MARCHF1: variants seen among roughly 807,000 people sequenced by gnomAD.
The protein encoded by MARCHF1 is E3 ubiquitin-protein ligase MARCHF1.
A neutral mutation model predicts 54.2 loss-of-function variants in MARCHF1; 40 were observed. That is an observed-to-expected ratio of 0.74 (90% CI 0.57 to 0.96). The LOEUF (loss-of-function observed/expected upper bound fraction) is 0.96, where lower values mean the gene tolerates loss of function less well. Among genes scored for constraint, MARCHF1 ranks in the 40% least tolerant of loss-of-function variants. The pLI, the probability that MARCHF1 is intolerant of heterozygous loss-of-function variation, is 0.00. For missense variants in MARCHF1, 586 were observed against 656.5 expected (o/e 0.89, Z 1.17); for synonymous variants, 236 against 236.3 (o/e 1.00, Z 0.01).
chr4:163,660,644 A>C (rs376122989), intron 5 of MARCHF1, among the ~76,000 whole-genome samples: 9 of 151,888 alleles, frequency 5.9e-5, no homozygotes, highest in Non-Finnish European at 1.0e-4. Flanking sequence ...AAACTGGTTT[A>C]TGATCACTTG....
At chr4:163,852,012 G>A (rs1414544078) in intron 4 of MARCHF1, among the ~76,000 whole-genome samples, 1 of 152,102 alleles carries the variant, frequency 6.6e-6, no homozygotes, top group Non-Finnish European at 1.5e-5. Flanking sequence ...GTGTATAGAG[G>A]TTATCCCTGT....
intron 4 of MARCHF1, among the ~76,000 whole-genome samples, chr4:163,761,058 T>C (rs1746813265): frequency 6.6e-6 from 1 of 152,208 alleles, no homozygotes; most frequent in South Asian, 2.1e-4. Context: ...AATATGACTC[T>C]TATAATAGTG....
At chr4:163,864,198 A>G (rs1177761898) in intron 3 of MARCHF1, among the ~76,000 whole-genome samples, 1 of 152,072 alleles carries the variant, frequency 6.6e-6, no homozygotes, top group Non-Finnish European at 1.5e-5. Context: ...TTTATAGTAG[A>G]GAAACCTGAA....
In MARCHF1 at chr4:164,114,963, A is replaced by C. The variant is rs1755910835; in HGVS notation, c.-322-3301T>G. 2.6e-5 allele frequency among the ~76,000 whole-genome samples: 4 copies of C among 152,170 alleles called. No individual in the cohort carries two copies. The South Asian group carries it at 6.2e-4, about 24-fold the overall frequency. On this transcript the variant is annotated intron_variant, in intron 1 of 9. Transcript: ENST00000514618. ...TAGCAGACAAAACAAGTTCTGAAGAATCATCAAATGAAATGTGTTCCCTTA... is the reference window on the plus strand; with the variant it reads ...TAGCAGACAAAACAAGTTCTGAAGACTCATCAAATGAAATGTGTTCCCTTA...
chr4:164,206,308 T>C (rs569053273), intron 1 of MARCHF1, among the ~76,000 whole-genome samples: 25 of 151,912 alleles, frequency 1.6e-4, no homozygotes, highest in Non-Finnish European at 3.1e-4. Flanking sequence ...ACGATAGCAG[T>C]TGCCCGTAAT....
intron 4 of MARCHF1, among the ~76,000 whole-genome samples, chr4:163,759,515 G>C (rs2110818058): frequency 6.6e-6 from 1 of 152,204 alleles, no homozygotes; most frequent in African/African-American, 2.4e-5. Context: ...TCTTGATAAT[G>C]ATCACAAGAA....
intron 4 of MARCHF1, among the ~76,000 whole-genome samples, chr4:163,841,375 G>T (rs1457828894): frequency 6.6e-6 from 1 of 151,796 alleles, no homozygotes; most frequent in Non-Finnish European, 1.5e-5. Flanking sequence ...AGGGGCTGGG[G>T]TATATGAAAA....
Position 163,735,184 on chromosome 4 carries a change from A to C in MARCHF1, c.112-34321T>G, listed in dbSNP as rs879672740. Among the ~76,000 whole-genome samples the C allele has an allele frequency of 1.6e-3, 249 of 152,168 alleles. 3 individuals carry two copies. Among genetic ancestry groups the C allele is most frequent in the Non-Finnish European group, 1.4e-3 (96 of 68,014 alleles). ...AAGCTTCCCTGGCCACACTGTTGAC[A>C]GTAGTCCTCACACACTTAGGACATG... On this transcript the variant is annotated intron_variant, in intron 4 of 9. Coordinates refer to ENST00000514618, the MANE Select transcript of MARCHF1 (RefSeq NM_001394959.1).
intron 1 of MARCHF1, among the ~76,000 whole-genome samples, chr4:164,237,985 C>T (rs1732614187): frequency 6.6e-6 from 1 of 151,982 alleles, no homozygotes; most frequent in South Asian, 2.1e-4. Flanking sequence ...TTTATCTATA[C>T]ATGGGAAGCT....
At chr4:163,874,327 T>C (rs1233369988) in intron 3 of MARCHF1, among the ~76,000 whole-genome samples, 1 of 152,146 alleles carries the variant, frequency 6.6e-6, no homozygotes, top group Non-Finnish European at 1.5e-5. Context: ...AACTGGAATA[T>C]ATTACCTGTA....
chr4:163,796,911 T>A (rs887534801), intron 4 of MARCHF1, among the ~76,000 whole-genome samples: 1 of 152,160 alleles, frequency 6.6e-6, no homozygotes, highest in African/African-American at 2.4e-5. Context: ...GCCAGCTTTG[T>A]CTAATATGTT....
At chr4:163,678,935 T>A (rs1238783206) in intron 5 of MARCHF1, among the ~76,000 whole-genome samples, 1 of 152,186 alleles carries the variant, frequency 6.6e-6, no homozygotes, top group Non-Finnish European at 1.5e-5. Context: ...TTAAGCAACA[T>A]TTCATTTCCA....
At chr4:163,581,081 C>T (rs1452176218) in intron 8 of MARCHF1, among the ~76,000 whole-genome samples, 3 of 150,556 alleles carry the variant, frequency 2.0e-5, no homozygotes, top group Non-Finnish European at 1.5e-5. Flanking sequence ...GGATTACAGG[C>T]GTGAGCCACC....
At chr4:164,351,485 C>G (rs1462936931) in intron 1 of MARCHF1, among the ~76,000 whole-genome samples, 7 of 151,338 alleles carry the variant, frequency 4.6e-5, no homozygotes, top group Admixed American at 3.9e-4. Context: ...CTGGGAGGCA[C>G]CCCCCAGCAG....
intron 4 of MARCHF1, among the ~76,000 whole-genome samples, chr4:163,713,235 A>T (rs188281487): frequency 2.6e-5 from 4 of 152,318 alleles, no homozygotes; most frequent in Admixed American, 2.6e-4. Flanking sequence ...CTATAGAAAC[A>T]TCAAATTTAA....
chr4:163,682,224 C>T (rs1579190690), intron 5 of MARCHF1, among the ~76,000 whole-genome samples: 1 of 152,126 alleles, frequency 6.6e-6, no homozygotes, highest in Admixed American at 6.5e-5. Flanking sequence ...TGGTGGAAGA[C>T]ATTTCTAAGC....
chr4:163,896,350 A>G (rs909316004), intron 3 of MARCHF1, among the ~76,000 whole-genome samples: 6 of 152,126 alleles, frequency 3.9e-5, no homozygotes, highest in Non-Finnish European at 5.9e-5. Flanking sequence ...TTCCAGCTCT[A>G]TCAGGTTGTA....
intron 1 of MARCHF1, among the ~76,000 whole-genome samples, chr4:164,258,384 C>T (rs751819583): frequency 1.1e-4 from 12 of 104,612 alleles, no homozygotes; most frequent in Non-Finnish European, 2.0e-4. Flanking sequence ...TATCCCAGAA[C>T]TTAAAGTATA....
intron 3 of MARCHF1, among the ~76,000 whole-genome samples, chr4:163,950,827 T>C (rs1212600197): frequency 6.6e-6 from 1 of 152,244 alleles, no homozygotes; most frequent in Non-Finnish European, 1.5e-5. Context: ...TTATGAAAAG[T>C]ACATATTCAA....
Sources: gnomAD v4.1 joint callset for allele counts (sites outside exome capture counted in the v4.1 genomes callset) on GRCh38, gnomAD v4.1.1 for gene constraint, MANE v1.5 for transcripts, NCBI Gene and HGNC (gene_info 2026-07-23, HGNC 2026-07-21) for gene names.